The following PLD1 variants were observed in gnomAD, a reference collection of about 807,000 sequenced individuals.
PLD1 encodes choline phosphatase 1.
In PLD1, 112 loss-of-function variants were observed where a neutral mutation model predicts 137.1. That is an observed-to-expected ratio of 0.82 (90% CI 0.70 to 0.96). The LOEUF (loss-of-function observed/expected upper bound fraction) is 0.96. PLD1 is among the 40% of genes least tolerant of loss of function. The probability of loss-of-function intolerance (pLI) is 0.00; values close to 1 mark genes in which losing one functional copy is unlikely to be tolerated. For missense variants in PLD1, 1,321 were observed against 1,342.0 expected (o/e 0.98, Z 0.24); for synonymous variants, 431 against 454.7 (o/e 0.95, Z 0.66).
intron 8 of PLD1, among the ~76,000 whole-genome samples, chr3:171,714,456 AT>A (rs1459854747): frequency 6.6e-6 from 1 of 152,214 alleles, no homozygotes; most frequent in African/African-American, 2.4e-5. Context: ...TTTGCCTGCA[AT>A]TGTAGAGTGA....
intron 21 of PLD1, among the ~76,000 whole-genome samples, chr3:171,651,689 T>C (rs1037042268): frequency 2.6e-5 from 4 of 152,174 alleles, no homozygotes; most frequent in African/African-American, 7.2e-5. Context: ...TGCTGAGGGA[T>C]TCCCCAGCAT....
At chr3:171,766,693 C>G (rs1375744556) in intron 1 of PLD1, among the ~76,000 whole-genome samples, 3 of 152,026 alleles carry the variant, frequency 2.0e-5, no homozygotes, top group Admixed American at 6.5e-5. Flanking sequence ...ATACTTAAAG[C>G]GTCTACACTC....
intron 21 of PLD1, among the ~76,000 whole-genome samples, chr3:171,650,456 G>C (rs890392242): frequency 1.2e-4 from 19 of 152,162 alleles, no homozygotes; most frequent in African/African-American, 4.6e-4. Flanking sequence ...AGAACAGGCC[G>C]GAGGGAGATC....
intron 1 of PLD1, among the ~76,000 whole-genome samples, chr3:171,763,861 G>GTC (rs1721624186): frequency 8.8e-6 from 1 of 113,872 alleles, no homozygotes; most frequent in Non-Finnish European, 1.7e-5. Context: ...TTGAGATAGA[G>GTC]TCTTGCTCTG....
At chr3:171,795,982 T>G (rs1723417859) in intron 1 of PLD1, among the ~76,000 whole-genome samples, 1 of 152,210 alleles carries the variant, frequency 6.6e-6, no homozygotes. Flanking sequence ...GTGTTTCCTC[T>G]TTCTACTTCC....
At chr3:171,725,613 G>T (rs1474562679) in intron 7 of PLD1, among the ~76,000 whole-genome samples, 1 of 151,998 alleles carries the variant, frequency 6.6e-6, no homozygotes, top group Admixed American at 6.6e-5. Flanking sequence ...ACTTTCATCT[G>T]GCTATAAAAC....
rs118007678 is a variant in PLD1, at chr3:171,682,916, A to T, written c.1867+3769T>A. On this transcript the variant is annotated intron_variant, in intron 16 of 26. Transcript: ENST00000351298. ...AAACTGTTTTCATTTTAAAAAATTA[A>T]ATTTGTATTTATATTTGACTATAAA... is the stretch of plus-strand genomic sequence containing the variant. 3.7e-4 allele frequency among the ~76,000 whole-genome samples: 57 copies of T among 152,324 alleles called. No individual in the cohort carries two copies. The East Asian group carries it at 0.011, about 29-fold the overall frequency.
intron 1 of PLD1, among the ~76,000 whole-genome samples, chr3:171,806,273 CACTT>C (rs1208178268): frequency 6.6e-6 from 1 of 152,168 alleles, no homozygotes; most frequent in African/African-American, 2.4e-5. Flanking sequence ...CACTATGAAA[CACTT>C]ACGTAACATA....
intron 21 of PLD1, among the ~76,000 whole-genome samples, chr3:171,645,883 C>T (rs1440237485): frequency 8.4e-5 from 5 of 59,204 alleles, no homozygotes; most frequent in Non-Finnish European, 1.7e-4. Context: ...GACTCCATCT[C>T]AAAAAAAAAA....
At chr3:171,660,496 G>C (rs953242351) in intron 20 of PLD1, among the ~76,000 whole-genome samples, 1 of 152,218 alleles carries the variant, frequency 6.6e-6, no homozygotes, top group African/African-American at 2.4e-5. Context: ...ATCTTGACTA[G>C]AGGAGTGTCA....
chr3:171,664,292 A>G (rs192731577), intron 19 of PLD1, among the ~76,000 whole-genome samples: 166 of 152,346 alleles, frequency 1.1e-3, no homozygotes, highest in Non-Finnish European at 1.9e-3. Context: ...AGAAGTTTTA[A>G]TTCTTAGTCC....
At chr3:171,639,151 T>C (rs2108358678) in intron 23 of PLD1, among the ~76,000 whole-genome samples, 1 of 146,862 alleles carries the variant, frequency 6.8e-6, no homozygotes, top group Admixed American at 6.9e-5. Flanking sequence ...TATATATATA[T>C]GAAAGATAGA....
intron 21 of PLD1, among the ~76,000 whole-genome samples, chr3:171,654,809 TA>T (rs1352524263): frequency 3.3e-5 from 5 of 151,624 alleles, no homozygotes; most frequent in Non-Finnish European, 5.9e-5. Flanking sequence ...GTTTTTTTTT[TA>T]TTCTGATTCC....
intron 8 of PLD1, among the ~76,000 whole-genome samples, chr3:171,715,247 G>A (rs774317678): frequency 3.9e-5 from 6 of 152,062 alleles, no homozygotes; most frequent in South Asian, 2.1e-4. Context: ...TGATGCCCTC[G>A]GAAAAATCAG....
At chr3:171,733,857 T>C (rs753873763) in intron 5 of PLD1, among the ~76,000 whole-genome samples, 121 of 152,214 alleles carry the variant, frequency 7.9e-4, no homozygotes, top group Non-Finnish European at 1.5e-3. Context: ...TTCATTTTTT[T>C]TTCAATTCTA....
intron 1 of PLD1, among the ~76,000 whole-genome samples, chr3:171,776,974 G>C (rs1221128280): frequency 6.6e-6 from 1 of 151,884 alleles, no homozygotes; most frequent in Non-Finnish European, 1.5e-5. Context: ...TCAGTTCACA[G>C]ACGACTTTGG....
chr3:171,737,371 A>T (rs1291710670), intron 3 of PLD1, among the ~76,000 whole-genome samples, 161 bp downstream of exon 3: 1 of 152,214 alleles, frequency 6.6e-6, no homozygotes, highest in Non-Finnish European at 1.5e-5. Flanking sequence ...GGAGGCAAAA[A>T]CTTGACAGGT....
chr3:171,755,145 A>G (rs1720931753), intron 1 of PLD1, among the ~76,000 whole-genome samples: 1 of 152,090 alleles, frequency 6.6e-6, no homozygotes, highest in Non-Finnish European at 1.5e-5. Context: ...GCTTCTAAAC[A>G]GGGGCTGCAG....
intron 1 of PLD1, among the ~76,000 whole-genome samples, chr3:171,760,803 A>G (rs1721341057): frequency 6.6e-6 from 1 of 152,164 alleles, no homozygotes; most frequent in Admixed American, 6.5e-5. Context: ...TCCACAAGGG[A>G]CCCAAGTTCC....
Sources: allele counts gnomAD v4.1 joint callset (sites outside exome capture counted in the v4.1 genomes callset), GRCh38; gene constraint gnomAD v4.1.1; transcripts MANE v1.5; gene names NCBI Gene and HGNC (gene_info 2026-07-23, HGNC 2026-07-21).